Variants in CDKAL1 observed in about 807,000 individuals in gnomAD.
The protein encoded by CDKAL1 is CDKAL1 threonylcarbamoyladenosine tRNA methylthiotransferase, also known as threonylcarbamoyladenosine tRNA methylthiotransferase.
Under a neutral mutation model 68.2 loss-of-function variants are expected in CDKAL1, and 32 were observed. The ratio of observed to expected loss-of-function variants is 0.47; its 90% CI spans 0.35 to 0.63. The LOEUF (loss-of-function observed/expected upper bound fraction) is 0.63. Ranked by LOEUF, CDKAL1 falls within the 30% of genes least tolerant of loss-of-function variation. CDKAL1 has a pLI of 0.00. For synonymous variants in CDKAL1, 234 were observed against 244.3 expected (o/e 0.96, Z 0.39); for missense variants, 606 against 696.7 (o/e 0.87, Z 1.47).
chr6:20,596,936 C>G (rs1765852336), intron 4 of CDKAL1, among the ~76,000 whole-genome samples: 1 of 152,116 alleles, frequency 6.6e-6, no homozygotes, highest in African/African-American at 2.4e-5. Flanking sequence ...GAGGCAACGC[C>G]CCGCCCTGCT....
chr6:20,967,831 A>G (rs1351016458), intron 10 of CDKAL1, among the ~76,000 whole-genome samples: 3 of 152,222 alleles, frequency 2.0e-5, no homozygotes, highest in Non-Finnish European at 4.4e-5. Flanking sequence ...TTATCTGGAA[A>G]TGACTTAATT....
chr6:21,175,162 G>T (rs1214405477), intron 13 of CDKAL1, among the ~76,000 whole-genome samples: 2 of 152,104 alleles, frequency 1.3e-5, no homozygotes, highest in Non-Finnish European at 2.9e-5. Flanking sequence ...ATCCAATTGG[G>T]CATTAATGGT....
At chr6:20,563,365 A>G (rs1764339556) in intron 4 of CDKAL1, among the ~76,000 whole-genome samples, 1 of 152,338 alleles carries the variant, frequency 6.6e-6, no homozygotes, top group Admixed American at 6.5e-5. Context: ...AAAATGGTAT[A>G]TGGACACATC....
At chr6:21,030,663 C>T (rs1769232465) in intron 11 of CDKAL1, among the ~76,000 whole-genome samples, 1 of 152,118 alleles carries the variant, frequency 6.6e-6, no homozygotes. Context: ...TCCATCAAAT[C>T]TCTTCTTTCG....
At chr6:21,220,495 C>G (rs1779499412) in intron 15 of CDKAL1, among the ~76,000 whole-genome samples, 1 of 152,162 alleles carries the variant, frequency 6.6e-6, no homozygotes, top group Non-Finnish European at 1.5e-5. Context: ...GCAGGGCTTA[C>G]TTTGTGGAAT....
At chr6:21,059,371 C>T (rs1049993033) in intron 11 of CDKAL1, among the ~76,000 whole-genome samples, 2 of 152,228 alleles carry the variant, frequency 1.3e-5, no homozygotes, top group African/African-American at 4.8e-5. Flanking sequence ...CTGCTGGCTG[C>T]AACCTGAGCA....
At chr6:20,586,978 G>GT (rs750210435) in intron 4 of CDKAL1, among the ~76,000 whole-genome samples, 12,385 of 44,764 alleles carry the variant, frequency 0.28, 2,132 homozygotes, top group East Asian at 0.5. Flanking sequence ...TCCTCCAGGT[G>GT]TTTTTTTTTT....
At chr6:20,987,592 T>C (rs1766539775) in intron 10 of CDKAL1, among the ~76,000 whole-genome samples, 1 of 152,132 alleles carries the variant, frequency 6.6e-6, no homozygotes, top group Non-Finnish European at 1.5e-5. Flanking sequence ...TGAACTCTAC[T>C]TGGGGTAAAA....
At chr6:20,822,220 T>C in intron 8 of CDKAL1, among the ~76,000 whole-genome samples, 1 of 152,164 alleles carries the variant, frequency 6.6e-6, no homozygotes. Context: ...TAGATCATAA[T>C]GCCATTTGAC....
At chr6:20,787,852 T>G (rs1380491943) in intron 8 of CDKAL1, among the ~76,000 whole-genome samples, 1 of 152,230 alleles carries the variant, frequency 6.6e-6, no homozygotes, top group Non-Finnish European at 1.5e-5. Flanking sequence ...TAATTCATTT[T>G]CACTGTATTT....
chr6:20,746,721 T>C (rs1319419703), intron 6 of CDKAL1, among the ~76,000 whole-genome samples: 1 of 152,226 alleles, frequency 6.6e-6, no homozygotes, highest in Non-Finnish European at 1.5e-5. Context: ...GAGATGGAAA[T>C]AAGGGCATTT....
At chr6:21,205,698 T>G (rs1395641408) in intron 15 of CDKAL1, among the ~76,000 whole-genome samples, 2 of 148,912 alleles carry the variant, frequency 1.3e-5, no homozygotes, top group Non-Finnish European at 3.0e-5. Context: ...GCCCAGCTAA[T>G]TGTTTTGTAT....
At chr6:20,543,551 C>G (rs183943725) in intron 2 of CDKAL1, among the ~76,000 whole-genome samples, 8 of 152,160 alleles carry the variant, frequency 5.3e-5, no homozygotes, top group Admixed American at 2.0e-4. Flanking sequence ...GACTTTTCAG[C>G]CTCTTAATAG....
At chr6:20,589,543 G>A (rs1374426944) in intron 4 of CDKAL1, among the ~76,000 whole-genome samples, 5 of 152,134 alleles carry the variant, frequency 3.3e-5, no homozygotes, top group African/African-American at 1.2e-4. Context: ...GGTATTCTCA[G>A]GGAACGTTCC....
intron 7 of CDKAL1, among the ~76,000 whole-genome samples, chr6:20,766,601 A>T (rs1774715499): frequency 6.6e-6 from 1 of 152,160 alleles, no homozygotes; most frequent in Non-Finnish European, 1.5e-5. Context: ...GTTTTGGCAG[A>T]TTTCATGAAG....
intron 10 of CDKAL1, among the ~76,000 whole-genome samples, chr6:20,990,724 C>T (rs536119301): frequency 6.6e-6 from 1 of 152,198 alleles, no homozygotes; most frequent in Non-Finnish European, 1.5e-5. Context: ...TACTTAGTAG[C>T]TGTTACAGTG....
chr6:20,875,545 G>T (rs1028750468), intron 9 of CDKAL1, among the ~76,000 whole-genome samples: 1 of 152,054 alleles, frequency 6.6e-6, no homozygotes, highest in African/African-American at 2.4e-5. Flanking sequence ...ATGTGGGGAG[G>T]GGGGTTGGAA....
At chr6:20,727,962 G>T (rs1468452299) in intron 5 of CDKAL1, among the ~76,000 whole-genome samples, 1 of 152,140 alleles carries the variant, frequency 6.6e-6, no homozygotes, top group Non-Finnish European at 1.5e-5. Flanking sequence ...TATAGTGTGT[G>T]CAATATAGTA....
chr6:20,675,713 CA>C (rs1405142652), intron 5 of CDKAL1, among the ~76,000 whole-genome samples: 3 of 151,938 alleles, frequency 2.0e-5, no homozygotes, highest in Non-Finnish European at 4.4e-5. Context: ...ATGATGATAA[CA>C]AATGACTATT....
Sources: allele counts gnomAD v4.1 joint callset (sites outside exome capture counted in the v4.1 genomes callset), GRCh38; gene constraint gnomAD v4.1.1; transcripts MANE v1.5; gene names NCBI Gene and HGNC (gene_info 2026-07-23, HGNC 2026-07-21).